The following PCDH15 variants were observed in gnomAD, a reference collection of about 807,000 sequenced individuals.
PCDH15 encodes protocadherin-15.
Under a neutral mutation model 178.5 loss-of-function variants are expected in PCDH15, and 129 were observed. That is an observed-to-expected ratio of 0.72 (90% CI 0.63 to 0.84). PCDH15 has a LOEUF of 0.84. Ranked by LOEUF, PCDH15 falls within the 40% of genes least tolerant of loss-of-function variation. The pLI, the probability that PCDH15 is intolerant of heterozygous loss-of-function variation, is 0.00. For synonymous variants in PCDH15, 800 were observed against 732.0 expected, an observed-to-expected ratio of 1.09 and a Z score of -1.50; for missense variants, 2,230 against 2,099.9, an observed-to-expected ratio of 1.06 and a Z score of -1.21.
At chr10:54,283,427 G>A (rs2058826722) in intron 8 of PCDH15, among the ~76,000 whole-genome samples, 1 of 152,076 alleles carries the variant, frequency 6.6e-6, no homozygotes, top group Non-Finnish European at 1.5e-5. Flanking sequence ...ACAAGTACTG[G>A]TAGTTGTGTG....
At chr10:54,222,319 A>G (rs1456066434) in intron 9 of PCDH15, among the ~76,000 whole-genome samples, 1 of 152,208 alleles carries the variant, frequency 6.6e-6, no homozygotes, top group South Asian at 2.1e-4. Flanking sequence ...TTTATGATCA[A>G]ATAACTACTT....
At chr10:53,925,849 T>G (rs939660625) in intron 25 of PCDH15, among the ~76,000 whole-genome samples, 2 of 152,232 alleles carry the variant, frequency 1.3e-5, no homozygotes, top group African/African-American at 4.8e-5. Flanking sequence ...TGCCTGGTTT[T>G]CTCACTTAAG....
intron 3 of PCDH15, among the ~76,000 whole-genome samples, chr10:54,889,935 C>T (rs1216553520): frequency 2.0e-5 from 3 of 151,882 alleles, no homozygotes; most frequent in Non-Finnish European, 2.9e-5. Context: ...ATTAGAGACA[C>T]ATTAGCCATT....
intron 2 of PCDH15, among the ~76,000 whole-genome samples, chr10:55,043,027 A>G (rs1840906738): frequency 1.3e-5 from 2 of 151,942 alleles, no homozygotes; most frequent in Admixed American, 1.3e-4. Context: ...GAACTCATTC[A>G]TTTTCATGAC....
chr10:54,564,188 T>C (rs1029092886), intron 2 of PCDH15, among the ~76,000 whole-genome samples: 1 of 152,126 alleles, frequency 6.6e-6, no homozygotes, highest in Non-Finnish European at 1.5e-5. Context: ...GCTTGATAAA[T>C]TATTTTGTCT....
chr10:55,348,849 T>A (rs1298103967), intron 2 of PCDH15, among the ~76,000 whole-genome samples: 1 of 152,126 alleles, frequency 6.6e-6, no homozygotes, highest in Non-Finnish European at 1.5e-5. Flanking sequence ...TTGAAGTCCT[T>A]TAAAGGATTT....
intron 2 of PCDH15, among the ~76,000 whole-genome samples, chr10:54,632,255 G>A (rs933581460): frequency 1.3e-5 from 2 of 151,956 alleles, no homozygotes; most frequent in Admixed American, 6.6e-5. Context: ...CATAAATATG[G>A]GAACACTAGC....
intron 2 of PCDH15, among the ~76,000 whole-genome samples, chr10:55,404,462 A>T (rs879459049): frequency 2.0e-5 from 3 of 152,046 alleles, no homozygotes; most frequent in South Asian, 2.1e-4. Context: ...GATGAGTATA[A>T]GATATGTTAT....
chr10:53,816,823 A>C (rs561598501), intron 34 of PCDH15, among the ~76,000 whole-genome samples: 1 of 152,204 alleles, frequency 6.6e-6, no homozygotes, highest in Non-Finnish European at 1.5e-5. Flanking sequence ...TAAAACATTA[A>C]GTGTGTTTTC....
rs1955455301 is a variant in PCDH15, at chr10:54,421,841, CACACACTATATATATATATAT to C, written c.158-42920_158-42900del. Among the ~76,000 whole-genome samples, 8 of 67,714 alleles carry C rather than the reference CACACACTATATATATATATAT, an allele frequency of 1.2e-4. 1 individual carries two copies. The highest frequency in any genetic ancestry group is 5.9e-4 in the African/African-American group (8 of 13,610). The allele number at this position is 67,714 out of a possible 152,430, so 44.4% of individuals were successfully genotyped here. A position where few individuals can be genotyped will look rare whatever the true frequency, so the allele number is the denominator to read the frequency against. ...GTATATATATATATATATATATACACACACACTATATATATATATATACACACACTATATATATATATACAC... is the reference window on the plus strand; with the variant it reads ...GTATATATATATATATATATATACACACACACACTATATATATATATACAC... On this transcript the variant is annotated intron_variant, in intron 3 of 37. Transcript: ENST00000644397.
chr10:53,992,608 T>C (rs1223499291), intron 21 of PCDH15, among the ~76,000 whole-genome samples: 1 of 152,168 alleles, frequency 6.6e-6, no homozygotes, highest in Non-Finnish European at 1.5e-5. Flanking sequence ...AATCTCCTCA[T>C]AAATGCAGTT....
At chr10:55,070,547 A>G (rs900272889) in intron 2 of PCDH15, among the ~76,000 whole-genome samples, 1 of 152,140 alleles carries the variant, frequency 6.6e-6, no homozygotes, top group Admixed American at 6.6e-5. Context: ...TCCTTTCCCC[A>G]TTGCTTGTTT....
chr10:55,238,587 C>T (rs1174290297), intron 1 of PCDH15, among the ~76,000 whole-genome samples: 1 of 152,060 alleles, frequency 6.6e-6, no homozygotes, highest in Non-Finnish European at 1.5e-5. Flanking sequence ...CAATGATAGC[C>T]TTTAACAAGA....
At chr10:54,051,598 G>T (rs894209531) in intron 18 of PCDH15, among the ~76,000 whole-genome samples, 4 of 152,116 alleles carry the variant, frequency 2.6e-5, no homozygotes, top group African/African-American at 9.7e-5. Context: ...AGTGCCAAAG[G>T]GTTCAAGAGA....
In PCDH15 at chr10:54,719,796, T is replaced by G. The variant is rs1311522190; in HGVS notation, c.-28-55506A>C. On this transcript the variant is annotated intron_variant, in intron 1 of 37. Transcript: ENST00000644397. ...TCCAGTGTTTGGTTTTTTGTTCCTT[T>G]GTTAGTTTGCTGAGGATGATGGCTT... 3.9e-5 allele frequency among the ~76,000 whole-genome samples: 6 copies of G among 152,054 alleles called. No individual in the cohort carries two copies. In the East Asian group the frequency reaches 9.7e-4, roughly 24 times the overall value.
chr10:54,368,229 A>G (rs1947102255), intron 5 of PCDH15, among the ~76,000 whole-genome samples: 1 of 152,094 alleles, frequency 6.6e-6, no homozygotes, highest in African/African-American at 2.4e-5. Context: ...TAGTAACTTC[A>G]AAAAGAATCT....
chr10:54,057,941 T>A (rs2093932072), intron 18 of PCDH15, among the ~76,000 whole-genome samples: 1 of 152,200 alleles, frequency 6.6e-6, no homozygotes, highest in Non-Finnish European at 1.5e-5. Context: ...AAGAGTGACC[T>A]TAACTCCAGT....
upstream of PCDH15, among the ~76,000 whole-genome samples, chr10:55,320,615 A>C (rs1197030223): frequency 6.6e-6 from 1 of 152,188 alleles, no homozygotes; most frequent in Non-Finnish European, 1.5e-5. Flanking sequence ...ATGTGAAGTC[A>C]GGGAGAAAAA....
intron 2 of PCDH15, among the ~76,000 whole-genome samples, chr10:55,079,002 C>G (rs1005323237): frequency 6.6e-6 from 1 of 152,066 alleles, no homozygotes; most frequent in African/African-American, 2.4e-5. Flanking sequence ...TGGAAAATTT[C>G]TCATTGTTTC....
Sources: gnomAD v4.1 joint callset for allele counts (sites outside exome capture counted in the v4.1 genomes callset) on GRCh38, gnomAD v4.1.1 for gene constraint, MANE v1.5 for transcripts, NCBI Gene and HGNC (gene_info 2026-07-23, HGNC 2026-07-21) for gene names.